Variants in GRIA4 observed in about 807,000 individuals in gnomAD.
GRIA4 encodes the protein glutamate ionotropic receptor AMPA type subunit 4, also known as glutamate receptor 4.
GRIA4 carries 34 observed loss-of-function variants against 104.0 expected under a neutral mutation model. The observed-to-expected ratio is 0.33, with a 90% CI of 0.25 to 0.44. The LOEUF (loss-of-function observed/expected upper bound fraction) is 0.44, where lower values mean the gene tolerates loss of function less well. GRIA4 is among the 20% of genes least tolerant of loss of function. The probability of loss-of-function intolerance (pLI) is 1.00; values close to 1 mark genes in which losing one functional copy is unlikely to be tolerated. For synonymous variants in GRIA4, 386 were observed against 381.9 expected (o/e 1.01, Z -0.13); for missense variants, 750 against 1,096.5 (o/e 0.68, Z 4.46).
At chr11:105,970,853 A>G (rs1591499980) in intron 14 of GRIA4, among the ~76,000 whole-genome samples, 1 of 152,194 alleles carries the variant, frequency 6.6e-6, no homozygotes, top group South Asian at 2.1e-4. Context: ...TCCATTCATC[A>G]TCTTAGCCTT....
intron 4 of GRIA4, among the ~76,000 whole-genome samples, chr11:105,801,069 T>C (rs550557413): frequency 2.0e-4 from 30 of 151,876 alleles, no homozygotes; most frequent in African/African-American, 5.5e-4. Context: ...CCTAATAAAA[T>C]TGAGCTATTT....
At chr11:105,943,152 G>A (rs1341631892) in intron 14 of GRIA4, among the ~76,000 whole-genome samples, 1 of 152,136 alleles carries the variant, frequency 6.6e-6, no homozygotes, top group African/African-American at 2.4e-5. Flanking sequence ...TGGAATTTAA[G>A]TAAGTCACTT....
At chr11:105,969,832 A>T (rs79790184) in intron 14 of GRIA4, among the ~76,000 whole-genome samples, 1,760 of 152,292 alleles carry the variant, frequency 0.012, 13 homozygotes, top group Admixed American at 0.02. Context: ...TTTCAAATTG[A>T]GCTACTTTAT....
At chr11:105,634,378 A>G (rs1951124622) in intron 3 of GRIA4, among the ~76,000 whole-genome samples, 2 of 149,412 alleles carry the variant, frequency 1.3e-5, no homozygotes, top group South Asian at 4.2e-4. Flanking sequence ...AAGAAGAAGA[A>G]AGAAGGAAAG....
At chr11:105,720,765 G>A (rs2135575346) in intron 3 of GRIA4, among the ~76,000 whole-genome samples, 1 of 152,286 alleles carries the variant, frequency 6.6e-6, no homozygotes, top group African/African-American at 2.4e-5. Context: ...TCTCCAACCT[G>A]TCATATCACA....
At chr11:105,861,974 T>C in intron 4 of GRIA4, 50 bp from the exon 5 acceptor site, 2 of 1,144,244 alleles carry the variant, frequency 1.7e-6, no homozygotes, top group Non-Finnish European at 2.6e-6. Flanking sequence ...GCATACATCA[T>C]TAAAGGGGAG....
At chr11:105,750,054 AAG>A (rs1378325861) in intron 3 of GRIA4, among the ~76,000 whole-genome samples, 1 of 152,192 alleles carries the variant, frequency 6.6e-6, no homozygotes, top group African/African-American at 2.4e-5. Flanking sequence ...TATATAATCT[AAG>A]ACATTTTATT....
At chr11:105,798,971 T>C (rs2135829750) in intron 4 of GRIA4, among the ~76,000 whole-genome samples, 2 of 152,212 alleles carry the variant, frequency 1.3e-5, no homozygotes, top group East Asian at 3.9e-4. Context: ...AGTATTAAGA[T>C]GGTATTTAAC....
chr11:105,629,164 C>G (rs117075004), intron 3 of GRIA4, among the ~76,000 whole-genome samples: 6,583 of 151,336 alleles, frequency 0.043, 181 homozygotes, highest in Non-Finnish European at 0.067. Context: ...TCCCTTGAGC[C>G]CAGGAGTTGA....
chr11:105,891,879 G>A (rs914641246), intron 6 of GRIA4, among the ~76,000 whole-genome samples: 5 of 152,102 alleles, frequency 3.3e-5, no homozygotes, highest in African/African-American at 7.2e-5. Context: ...CCTTATGAAA[G>A]AGTCCTTATC....
At chr11:105,798,715 G>A (rs1942595763) in intron 4 of GRIA4, among the ~76,000 whole-genome samples, 1 of 152,072 alleles carries the variant, frequency 6.6e-6, no homozygotes, top group African/African-American at 2.4e-5. Context: ...TGAAGGTACA[G>A]ACAACAGGAT....
At chr11:105,610,056 TCC>T (rs1950431547), upstream of GRIA4, 1 of 152,426 alleles carries the variant, frequency 6.6e-6, no homozygotes, top group Non-Finnish European at 1.5e-5. Flanking sequence ...AGGACCGGAG[TCC>T]CCCGCGCGCA....
intron 11 of GRIA4, among the ~76,000 whole-genome samples, chr11:105,919,845 T>C (rs1175986291): frequency 1.3e-5 from 2 of 152,116 alleles, no homozygotes; most frequent in Non-Finnish European, 2.9e-5. Flanking sequence ...CCAACTTATA[T>C]TTCACCTTCA....
Position 105,898,255 on chromosome 11 carries a change from A to G in GRIA4, c.727-14A>G, listed in dbSNP as rs1237826440. The G allele has an allele frequency of 7.4e-7, 1 of 1,360,196 alleles. No homozygotes were observed. Among genetic ancestry groups the G allele is most frequent in the Non-Finnish European group, 1.0e-6 (1 of 963,272 alleles). The allele number at this position is 1,360,196 out of a possible 1,614,324, so 84.3% of individuals were successfully genotyped here. A position where few individuals can be genotyped will look rare whatever the true frequency, so the allele number is the denominator to read the frequency against. On this transcript the variant is annotated splice_polypyrimidine_tract_variant and intron_variant, in intron 6 of 16. Transcript: ENST00000282499. ...TAAACTAAATTTAACAATCTTTTGT[A>G]TTAATTTTTATAGGGATTCAAGGAT...
intron 4 of GRIA4, among the ~76,000 whole-genome samples, chr11:105,800,591 A>C (rs1591278133): frequency 1.3e-5 from 2 of 152,210 alleles, no homozygotes; most frequent in South Asian, 2.1e-4. Flanking sequence ...TTGTTTCAGC[A>C]TATTTAAATT....
intron 7 of GRIA4, among the ~76,000 whole-genome samples, chr11:105,901,766 A>G (rs943267909): frequency 6.6e-6 from 1 of 152,198 alleles, no homozygotes; most frequent in Non-Finnish European, 1.5e-5. Context: ...CGAACTTTTT[A>G]AAACACAAAA....
chr11:105,610,768 C>A (rs1006432139), intron 1 of GRIA4, 140 bp from the exon 2 acceptor site: 17 of 500,104 alleles, frequency 3.4e-5, no homozygotes, highest in South Asian at 3.2e-4. Flanking sequence ...ATGGAGACTG[C>A]GGGAAAAATC....
chr11:105,979,234 A>C (rs1459303673), intron 16 of GRIA4, among the ~76,000 whole-genome samples: 5 of 152,252 alleles, frequency 3.3e-5, no homozygotes, highest in Non-Finnish European at 1.5e-5. Context: ...GAATGTTGTC[A>C]AACATAAAAG....
intron 4 of GRIA4, among the ~76,000 whole-genome samples, chr11:105,797,165 C>T (rs1213009417): frequency 1.3e-5 from 2 of 151,870 alleles, no homozygotes; most frequent in East Asian, 1.9e-4. Context: ...GCCGAGATCA[C>T]GCCACTGCAC....
Sources: gnomAD v4.1 joint callset for allele counts (sites outside exome capture counted in the v4.1 genomes callset) on GRCh38, gnomAD v4.1.1 for gene constraint, MANE v1.5 for transcripts, NCBI Gene and HGNC (gene_info 2026-07-23, HGNC 2026-07-21) for gene names.